The following SH3YL1 variants were observed in gnomAD, a reference collection of about 807,000 sequenced individuals.
SH3YL1 encodes the protein SH3 domain-containing YSC84-like protein 1.
A neutral mutation model predicts 45.8 loss-of-function variants in SH3YL1; 41 were observed. The ratio of observed to expected loss-of-function variants is 0.89; its 90% CI spans 0.70 to 1.16. The LOEUF (loss-of-function observed/expected upper bound fraction) is 1.16. SH3YL1 is among the 50% of genes most tolerant of loss of function. The probability of loss-of-function intolerance (pLI) is 0.00; values close to 1 mark genes in which losing one functional copy is unlikely to be tolerated. For synonymous variants in SH3YL1, 152 were observed against 151.4 expected (o/e 1.00, Z -0.03); for missense variants, 389 against 409.6 (o/e 0.95, Z 0.43).
At chr2:220,165 A>G (rs1667509829) in intron 9 of SH3YL1, among the ~76,000 whole-genome samples, 1 of 144,516 alleles carries the variant, frequency 6.9e-6, no homozygotes, top group African/African-American at 2.6e-5. Context: ...CTCTAGAGCC[A>G]GGTCCTATTT....
chr2:256,056 C>T (rs1196780462), intron 1 of SH3YL1: 1 of 152,242 alleles, frequency 6.6e-6, no homozygotes, highest in African/African-American at 2.4e-5. Context: ...ATCACAGCAT[C>T]CGTGCCCTCT....
rs1467210483 is a variant in SH3YL1 at position 243,567 on chromosome 2, T to A, written c.291+3971A>T. The A allele has an allele frequency of 2.9e-5, 39 of 1,363,918 alleles. No homozygotes were observed. In the South Asian group the frequency reaches 5.4e-4, roughly 19 times the overall value. The allele number at this position is 1,363,918 out of a possible 1,614,324, so 84.5% of individuals were successfully genotyped here. A position where few individuals can be genotyped will look rare whatever the true frequency, so the allele number is the denominator to read the frequency against. On this transcript the variant is annotated intron_variant, in intron 4 of 9. Coordinates refer to ENST00000356150, the MANE Select transcript of SH3YL1 (RefSeq NM_015677.4). ...AATATGTAGCTGTAAATGTGTCTAT[T>A]AAAAAAAAAACAGACCTCGAGTCGG...
At chr2:232,851 G>T (rs1350136975) in intron 6 of SH3YL1, 1 of 241,564 alleles carries the variant, frequency 4.1e-6, no homozygotes, top group East Asian at 8.1e-5. Context: ...ATGTTGGAAG[G>T]CAGTAAAGCA....
chr2:244,300 T>C (rs1668684765), intron 4 of SH3YL1, among the ~76,000 whole-genome samples: 1 of 151,922 alleles, frequency 6.6e-6, no homozygotes, highest in African/African-American at 2.4e-5. Context: ...ATCGAGACTA[T>C]CCTGGCTGAC....
chr2:237,024 G>A (rs187403326), intron 4 of SH3YL1, among the ~76,000 whole-genome samples: 136 of 152,278 alleles, frequency 8.9e-4, no homozygotes, highest in Admixed American at 1.6e-3. Flanking sequence ...CTGAATGGCA[G>A]ATAATTATTT....
At chr2:263,885 C>A in intron 1 of SH3YL1, 99 bp downstream of exon 1, 1 of 1,039,482 alleles carries the variant, frequency 9.6e-7, no homozygotes, top group Non-Finnish European at 1.5e-6. Flanking sequence ...CCTAGAAACC[C>A]CAGAGGCATC....
At chr2:239,049 T>G (rs1668428725) in intron 4 of SH3YL1, among the ~76,000 whole-genome samples, 1 of 152,162 alleles carries the variant, frequency 6.6e-6, no homozygotes, top group Admixed American at 6.5e-5. Flanking sequence ...GAGTCTGACA[T>G]TCACTCTCCA....
At chr2:223,505 A>T (rs115033043) in intron 9 of SH3YL1, among the ~76,000 whole-genome samples, 1 of 152,280 alleles carries the variant, frequency 6.6e-6, no homozygotes, top group African/African-American at 2.4e-5. Flanking sequence ...TCTAATCTTG[A>T]GTCTTTAAAA....
At chr2:258,779 C>T (rs1669466291) in intron 1 of SH3YL1, among the ~76,000 whole-genome samples, 1 of 152,060 alleles carries the variant, frequency 6.6e-6, no homozygotes, top group Non-Finnish European at 1.5e-5. Flanking sequence ...AATGGCTGTC[C>T]CCAGCCTGAT....
At chr2:235,086 A>ACC (rs1668228879) in intron 4 of SH3YL1, among the ~76,000 whole-genome samples, 1 of 152,166 alleles carries the variant, frequency 6.6e-6, no homozygotes, top group Non-Finnish European at 1.5e-5. Flanking sequence ...CATGTTGGCC[A>ACC]GGCTAGTTTT....
intron 4 of SH3YL1, chr2:243,576 A>AC (rs1282148254): frequency 6.6e-7 from 1 of 1,523,838 alleles, no homozygotes; most frequent in East Asian, 2.5e-5. Context: ...TTAAAAAAAA[A>AC]ACAGACCTCG....
intron 1 of SH3YL1, chr2:260,676 C>T (rs554651285): frequency 2.0e-5 from 3 of 152,360 alleles, no homozygotes; most frequent in Non-Finnish European, 4.4e-5. Flanking sequence ...TGGACTTCTT[C>T]GTCAAATGGA....
chr2:236,285 G>A (rs1668300493), intron 4 of SH3YL1, among the ~76,000 whole-genome samples: 3 of 152,136 alleles, frequency 2.0e-5, no homozygotes, highest in East Asian at 3.9e-4. Context: ...GCACCCCTGG[G>A]TGTGAAGAAC....
Position 218,557 on chromosome 2 carries a change from C to T in SH3YL1, c.*254G>A, listed in dbSNP as rs1667443605. 1 of 347,628 alleles carries T rather than the reference C, an allele frequency of 2.9e-6. No individual in the cohort carries two copies. The highest frequency in any genetic ancestry group is 4.5e-5 in the Admixed American group (1 of 22,380). The allele number at this position is 347,628 out of a possible 1,614,324, so 21.5% of individuals were successfully genotyped here. ...AATGCTTAGCGATGTTTGAAGTGTT[C>T]ACAAGAGAACTATGAGCGTATAAAC... On this transcript the variant is annotated 3_prime_UTR_variant, in exon 10 of 10. Coordinates refer to ENST00000356150, the MANE Select transcript of SH3YL1 (RefSeq NM_015677.4).
chr2:233,822 T>C (rs1668165297), intron 5 of SH3YL1, among the ~76,000 whole-genome samples: 1 of 152,216 alleles, frequency 6.6e-6, no homozygotes, highest in African/African-American at 2.4e-5. Context: ...AAAAAGCTCT[T>C]TCTTTCCTAA....
rs1013437330 is a variant in SH3YL1 at position 246,776 on chromosome 2, A to T, written c.291+762T>A. Among the ~76,000 whole-genome samples, 5 of 152,166 alleles carry T rather than the reference A, an allele frequency of 3.3e-5. No homozygotes were observed. The East Asian group carries it at 9.7e-4, about 29-fold the overall frequency. On this transcript the variant is annotated intron_variant, in intron 4 of 9. Coordinates refer to ENST00000356150, the MANE Select transcript of SH3YL1 (RefSeq NM_015677.4). ...TATGTTCCTTTTATACTACAAATTT[A>T]TACAGCAGTGAGTAAGAAAGATTGA...
intron 9 of SH3YL1, chr2:223,065 G>C (rs1036877338): frequency 2.0e-5 from 3 of 152,160 alleles, no homozygotes; most frequent in African/African-American, 7.2e-5. Context: ...TGGGCTAAAG[G>C]AATATTAACT....
chr2:232,367 T>C (rs924357208), intron 6 of SH3YL1, among the ~76,000 whole-genome samples: 1 of 152,142 alleles, frequency 6.6e-6, no homozygotes, highest in Admixed American at 6.5e-5. Flanking sequence ...TTGTAACTGG[T>C]GTGCCTTCCA....
intron 4 of SH3YL1, among the ~76,000 whole-genome samples, chr2:246,472 T>TC (rs1668816277): frequency 6.6e-6 from 1 of 152,074 alleles, no homozygotes; most frequent in Admixed American, 6.6e-5. Context: ...GCCCCCAGCC[T>TC]CACAAGGAGC....
Sources: allele counts gnomAD v4.1 joint callset (sites outside exome capture counted in the v4.1 genomes callset), GRCh38; gene constraint gnomAD v4.1.1; transcripts MANE v1.5; gene names NCBI Gene and HGNC (gene_info 2026-07-23, HGNC 2026-07-21).